The following USP6NL variants were observed in gnomAD, a reference collection of about 807,000 sequenced individuals.
The protein encoded by USP6NL is USP6 N-terminal like.
In USP6NL, 26 loss-of-function variants were observed where a neutral mutation model predicts 61.9. The observed-to-expected ratio is 0.42, with a 90% CI of 0.31 to 0.58. USP6NL has a LOEUF of 0.58. Among genes scored for constraint, USP6NL ranks in the 20% least tolerant of loss-of-function variants. The pLI is 0.16. For synonymous variants in USP6NL, 432 were observed against 390.1 expected, an observed-to-expected ratio of 1.11 and a Z score of -1.27; for missense variants, 1,114 against 1,034.3, an observed-to-expected ratio of 1.08 and a Z score of -1.06.
intron 2 of USP6NL, among the ~76,000 whole-genome samples, chr10:11,576,766 T>C (rs1435635699): frequency 6.6e-6 from 1 of 152,230 alleles, no homozygotes; most frequent in Non-Finnish European, 1.5e-5. Context: ...TCATAATAAG[T>C]CCTGATATCT....
At position 11,487,992 on chromosome 10, in the gene USP6NL, G is replaced by C. The variant is rs1833544029; in HGVS notation, c.664+1110C>G. On this transcript the variant is annotated intron_variant, in intron 10 of 14. Transcript: ENST00000609104. This position sits in a 1 kb window ranked among gnomAD's most constrained non-coding sequence, Gnocchi z 4.2. ...AAGATCCATTCTTAGAATAACTAGT[G>C]TTAAAATTATTTTAAATTTGATATT... 6.6e-6 allele frequency among the ~76,000 whole-genome samples: 1 copy of C among 151,744 alleles called. No individual in the cohort carries two copies.
intron 2 of USP6NL, among the ~76,000 whole-genome samples, chr10:11,590,880 C>G (rs1278187286): frequency 1.3e-5 from 2 of 152,116 alleles, no homozygotes; most frequent in Non-Finnish European, 2.9e-5. Flanking sequence ...CCCCCAAACC[C>G]TGAAAACTGT....
Position 11,574,588 on chromosome 10 carries a change from G to T in USP6NL, c.4+23043C>A, listed in dbSNP as rs1182111568. Among the ~76,000 whole-genome samples the T allele has an allele frequency of 1.3e-5, 2 of 152,204 alleles. No homozygotes were observed. The highest frequency in any genetic ancestry group is 3.8e-4 in the East Asian group (2 of 5,200). ...ACAGAGTTAACTAAAAGAGAAAAAT[G>T]ACACTCAGGTGAACATGGCTAAATG... On this transcript the variant is annotated intron_variant, in intron 2 of 14. Coordinates refer to ENST00000609104, the MANE Select transcript of USP6NL (RefSeq NM_014688.5). This position sits in a 1 kb window ranked among gnomAD's most constrained non-coding sequence, Gnocchi z 4.3.
chr10:11,587,828 C>T lies in USP6NL; in HGVS notation c.4+9803G>A, dbSNP rs1420651024. Reference sequence around the variant, plus strand: ...CCATCTCATATTCTAGAAAATATTTCATTGTCAATTTTTTCTCAAGACTTT... The same window carrying T: ...CCATCTCATATTCTAGAAAATATTTTATTGTCAATTTTTTCTCAAGACTTT... On this transcript the variant is annotated intron_variant, in intron 2 of 14. Transcript: ENST00000609104. The surrounding 1 kb of genome is among the most constrained non-coding windows in gnomAD (Gnocchi z 4.5). Among the ~76,000 whole-genome samples the T allele has an allele frequency of 6.6e-6, 1 of 152,174 alleles. No individual in the cohort carries two copies.
intron 2 of USP6NL, among the ~76,000 whole-genome samples, chr10:11,569,591 T>G (rs1374911270): frequency 6.6e-6 from 1 of 151,702 alleles, no homozygotes; most frequent in Non-Finnish European, 1.5e-5. Flanking sequence ...TTGGCAGGAG[T>G]GGCACTGGAA....
intron 14 of USP6NL, among the ~76,000 whole-genome samples, chr10:11,469,060 A>C (rs915535815): frequency 1.3e-5 from 2 of 152,216 alleles, no homozygotes; most frequent in South Asian, 4.1e-4. Flanking sequence ...TACACATCAC[A>C]CATCTATGCA....
Position 11,520,336 on chromosome 10 carries a change from C to T in USP6NL, c.156-1762G>A, listed in dbSNP as rs1835155105. ...TACAGATGTTCTGGCATGATTTCTC[C>T]ATATCTAAAACTTTTCATGGAGAAT... On this transcript the variant is annotated intron_variant, in intron 4 of 14. Coordinates refer to ENST00000609104, the MANE Select transcript of USP6NL (RefSeq NM_014688.5). The surrounding 1 kb of genome is among the most constrained non-coding windows in gnomAD (Gnocchi z 5.2). Among the ~76,000 whole-genome samples, 1 of 152,152 alleles carries T rather than the reference C, an allele frequency of 6.6e-6. No individual in the cohort carries two copies. Among genetic ancestry groups the T allele is most frequent in the Non-Finnish European group, 1.5e-5 (1 of 68,032 alleles).
chr10:11,512,060 G>A (rs996135772), intron 5 of USP6NL, among the ~76,000 whole-genome samples: 1 of 152,092 alleles, frequency 6.6e-6, no homozygotes, highest in Non-Finnish European at 1.5e-5. Context: ...TTTTGAAGAA[G>A]TAACTGAAAA....
chr10:11,610,900 G>A (rs965552588), intron 1 of USP6NL, among the ~76,000 whole-genome samples: 1 of 152,056 alleles, frequency 6.6e-6, no homozygotes, highest in African/African-American at 2.4e-5. Flanking sequence ...TACAAATGCC[G>A]CACCAGCCTA....
chr10:11,579,874 C>T (rs1266942109), intron 2 of USP6NL, among the ~76,000 whole-genome samples: 1 of 149,416 alleles, frequency 6.7e-6, no homozygotes, highest in African/African-American at 2.5e-5. Flanking sequence ...CTCTATTGTA[C>T]AATACACAGA....
In USP6NL at chr10:11,589,007, A is replaced by T. The variant is rs963061878; in HGVS notation, c.4+8624T>A. On this transcript the variant is annotated intron_variant, in intron 2 of 14. Transcript: ENST00000609104. This position sits in a 1 kb window ranked among gnomAD's most constrained non-coding sequence, Gnocchi z 4.7. Reference sequence around the variant, plus strand: ...AGGTCTCACTAACACTGATTATTTTAAAAACCACAATGGCCCTATTGCCCC... The same window carrying T: ...AGGTCTCACTAACACTGATTATTTTTAAAACCACAATGGCCCTATTGCCCC... Among the ~76,000 whole-genome samples the T allele has an allele frequency of 6.6e-6, 1 of 152,238 alleles. No homozygotes were observed. Among genetic ancestry groups the T allele is most frequent in the Admixed American group, 6.5e-5 (1 of 15,282 alleles).
chr10:11,522,310 G>GA (rs1835243053), intron 4 of USP6NL, among the ~76,000 whole-genome samples: 2 of 152,132 alleles, frequency 1.3e-5, no homozygotes, highest in African/African-American at 4.8e-5. Context: ...TTTCATTGCA[G>GA]AATGAATCAA....
chr10:11,515,461 G>A (rs1371206164), intron 5 of USP6NL, among the ~76,000 whole-genome samples: 2 of 152,202 alleles, frequency 1.3e-5, no homozygotes, highest in Non-Finnish European at 2.9e-5. Flanking sequence ...GAGGTTGTGG[G>A]AACCTCTAAT....
At chr10:11,530,536 G>C (rs1296349703) in intron 2 of USP6NL, among the ~76,000 whole-genome samples, 1 of 152,182 alleles carries the variant, frequency 6.6e-6, no homozygotes. Context: ...AAAGTGATCA[G>C]AACAGTTAAC....
Position 11,468,837 on chromosome 10 carries a change from T to C in USP6NL, c.1079-4988A>G, listed in dbSNP as rs895152558. Among the ~76,000 whole-genome samples, 2 of 152,016 alleles carry C rather than the reference T, an allele frequency of 1.3e-5. No individual in the cohort carries two copies. The highest frequency in any genetic ancestry group is 2.4e-5 in the African/African-American group (1 of 41,404). On this transcript the variant is annotated intron_variant, in intron 14 of 14. Transcript: ENST00000609104. The surrounding 1 kb of genome is among the most constrained non-coding windows in gnomAD (Gnocchi z 4.5). ...TTACCAATATAAGGCATGTGTTTCT[T>C]AGGAGAAAGAAAAAACCAATTGAGA...
At chr10:11,512,466 A>G (rs377481549) in intron 5 of USP6NL, among the ~76,000 whole-genome samples, 8 of 152,164 alleles carry the variant, frequency 5.3e-5, no homozygotes, top group East Asian at 3.9e-4. Flanking sequence ...TCCAGCCTCC[A>G]CACTGCTACC....
chr10:11,522,540 A>T (rs4366392), intron 4 of USP6NL, among the ~76,000 whole-genome samples: 17,234 of 152,274 alleles, frequency 0.11, 1,290 homozygotes, highest in East Asian at 0.16. Flanking sequence ...GTGAAATTTA[A>T]TAAGGCTTGA....
chr10:11,473,323 C>T (rs949112513), intron 14 of USP6NL, among the ~76,000 whole-genome samples: 7 of 152,174 alleles, frequency 4.6e-5, no homozygotes, highest in African/African-American at 1.7e-4. Context: ...AACTTTCTGT[C>T]TAATAGAGAC....
intron 7 of USP6NL, among the ~76,000 whole-genome samples, chr10:11,494,549 C>T (rs891499948): frequency 6.6e-6 from 1 of 152,136 alleles, no homozygotes; most frequent in Non-Finnish European, 1.5e-5. Context: ...CCCAGGGGAC[C>T]ACTACTACCA....
Sources: gnomAD v4.1 joint callset for allele counts (sites outside exome capture counted in the v4.1 genomes callset) on GRCh38, gnomAD v4.1.1 for gene constraint, Gnocchi (gnomAD v3.1) non-coding constraint, MANE v1.5 for transcripts, NCBI Gene and HGNC (gene_info 2026-07-23, HGNC 2026-07-21) for gene names.